Variants in SRGAP3 observed in about 807,000 individuals in gnomAD.
SRGAP3 encodes SLIT-ROBO Rho GTPase-activating protein 3.
A neutral mutation model predicts 121.1 loss-of-function variants in SRGAP3; 39 were observed. The observed-to-expected ratio is 0.32, with a 90% confidence interval of 0.25 to 0.42. The LOEUF is 0.42. Among genes scored for constraint, SRGAP3 ranks in the 10% least tolerant of loss-of-function variants. SRGAP3 has a pLI of 1.00. For missense variants in SRGAP3, 1,213 were observed against 1,470.6 expected (o/e 0.82, Z 2.86); for synonymous variants, 601 against 570.0 (o/e 1.05, Z -0.77).
At chr3:9,135,927 G>A (rs1949629312) in intron 1 of SRGAP3, among the ~76,000 whole-genome samples, 2 of 152,234 alleles carry the variant, frequency 1.3e-5, no homozygotes, top group Admixed American at 6.5e-5. Context: ...TGTTAAAAGG[G>A]TGAGGGGTGG....
intron 3 of SRGAP3, among the ~76,000 whole-genome samples, chr3:9,085,892 G>C (rs1042819649): frequency 3.3e-5 from 5 of 152,126 alleles, no homozygotes; most frequent in Admixed American, 3.3e-4. Flanking sequence ...TAAAATAATT[G>C]GTATAACAAA....
chr3:9,315,541 G>A (rs116473118), intron 3 of SRGAP3, among the ~76,000 whole-genome samples: 3,560 of 152,244 alleles, frequency 0.023, 113 homozygotes, highest in African/African-American at 0.076. Flanking sequence ...AATGGCTGCT[G>A]GGGATGGGAG....
chr3:9,226,705 C>G (rs996243870), intron 1 of SRGAP3, among the ~76,000 whole-genome samples: 1 of 152,176 alleles, frequency 6.6e-6, no homozygotes, highest in African/African-American at 2.4e-5. Context: ...AGACTTTACA[C>G]TTTTTCCTCA....
At chr3:9,135,237 A>T (rs1334288923) in intron 1 of SRGAP3, among the ~76,000 whole-genome samples, 1 of 152,194 alleles carries the variant, frequency 6.6e-6, no homozygotes. Flanking sequence ...TTAAGCTATG[A>T]TTATCATTTA....
chr3:9,039,378 T>C (rs1944915886), intron 10 of SRGAP3, among the ~76,000 whole-genome samples: 1 of 152,186 alleles, frequency 6.6e-6, no homozygotes, highest in African/African-American at 2.4e-5. Context: ...CCTCTCTAAG[T>C]GACCGCAAGT....
chr3:9,024,597 CAT>C (rs1175295999), intron 14 of SRGAP3, among the ~76,000 whole-genome samples: 3 of 152,184 alleles, frequency 2.0e-5, no homozygotes, highest in Admixed American at 2.0e-4. Flanking sequence ...CCAAATGTAT[CAT>C]ATGTGTCCTG....
At chr3:9,128,814 T>C (rs568094281) in intron 1 of SRGAP3, among the ~76,000 whole-genome samples, 2 of 152,346 alleles carry the variant, frequency 1.3e-5, no homozygotes, top group South Asian at 2.1e-4. Context: ...TCCACAGATC[T>C]TGTGTTTATT....
chr3:8,996,565 A>G (rs1450872703), intron 18 of SRGAP3, among the ~76,000 whole-genome samples: 1 of 152,202 alleles, frequency 6.6e-6, no homozygotes, highest in African/African-American at 2.4e-5. Flanking sequence ...AGAAGGAAGG[A>G]GGGAAGGAGG....
chr3:9,136,799 C>G (rs773972297), intron 1 of SRGAP3, among the ~76,000 whole-genome samples: 15 of 152,212 alleles, frequency 9.9e-5, no homozygotes, highest in Non-Finnish European at 1.6e-4. Flanking sequence ...GGGTCTATCC[C>G]TGATCCCCAC....
intron 20 of SRGAP3, among the ~76,000 whole-genome samples, chr3:8,992,461 T>G (rs413789): frequency 0.59 from 90,245 of 151,842 alleles, 27,491 homozygotes; most frequent in African/African-American, 0.72. Context: ...TGGAGTCGAG[T>G]GTCAATTTCC....
At chr3:9,286,677 A>G (rs1400736141) in intron 3 of SRGAP3, among the ~76,000 whole-genome samples, 1 of 151,292 alleles carries the variant, frequency 6.6e-6, no homozygotes, top group Non-Finnish European at 1.5e-5. Context: ...ATCTCGGCTC[A>G]CTACAAGCTT....
intron 3 of SRGAP3, among the ~76,000 whole-genome samples, chr3:9,299,128 C>T (rs188841466): frequency 8.0e-5 from 12 of 149,798 alleles, no homozygotes; most frequent in South Asian, 2.1e-4. Context: ...TTTGGGAGGC[C>T]GAGCCGGATG....
chr3:9,143,907 T>C (rs959062521), intron 1 of SRGAP3, among the ~76,000 whole-genome samples: 3 of 152,128 alleles, frequency 2.0e-5, no homozygotes, highest in African/African-American at 7.2e-5. Context: ...CTGTGTCCTA[T>C]CCGTTCTACC....
chr3:9,317,240 G>T (rs1023631456), intron 3 of SRGAP3, among the ~76,000 whole-genome samples: 4 of 152,192 alleles, frequency 2.6e-5, no homozygotes, highest in Non-Finnish European at 5.9e-5. Flanking sequence ...CGCTCCCATT[G>T]TAAATTCCAT....
intron 1 of SRGAP3, among the ~76,000 whole-genome samples, chr3:9,195,151 G>A (rs1440742471): frequency 6.6e-6 from 1 of 152,218 alleles, no homozygotes; most frequent in Non-Finnish European, 1.5e-5. Flanking sequence ...ATCACATAGT[G>A]TTTCCACCAT....
rs556866003 is a variant in SRGAP3, at chr3:9,169,290, C to T, written c.68-44373G>A. On this transcript the variant is annotated intron_variant, in intron 1 of 21. Transcript: ENST00000383836. The stretch of plus-strand genomic sequence containing the variant: ...ATAATCATTATATATGAGACATAGC[C>T]CCTGCCCTTGTGGAGTTGACAGTCT... Among the ~76,000 whole-genome samples, 10 of 152,232 alleles carry T rather than the reference C, an allele frequency of 6.6e-5. 1 individual carries two copies. The South Asian group carries it at 2.1e-3, about 32-fold the overall frequency.
intron 6 of SRGAP3, chr3:9,058,739 A>C: frequency 2.9e-6 from 1 of 346,130 alleles, no homozygotes; most frequent in South Asian, 2.5e-5. Flanking sequence ...TTTTTTTTTG[A>C]GACGGAGTCT....
In SRGAP3 at chr3:9,239,263, C is replaced by T. The variant is rs1953538170; in HGVS notation, c.67+9622G>A. On this transcript the variant is annotated intron_variant, in intron 1 of 21. Coordinates refer to ENST00000383836, the MANE Select transcript of SRGAP3 (RefSeq NM_014850.4). This position sits in a 1 kb window ranked among gnomAD's most constrained non-coding sequence, Gnocchi z 4.0. ...GACGTAGTGGCTGGCACCTGTAATC[C>T]CAGCTACTTGGGAGGCTGAGGCAGA... Among the ~76,000 whole-genome samples, 2 of 152,020 alleles carry T rather than the reference C, an allele frequency of 1.3e-5. No individual in the cohort carries two copies. Among genetic ancestry groups the T allele is most frequent in the South Asian group, 4.2e-4 (2 of 4,812 alleles).
At chr3:9,026,450 G>A (rs560949730) in intron 13 of SRGAP3, among the ~76,000 whole-genome samples, 97 of 152,294 alleles carry the variant, frequency 6.4e-4, no homozygotes, top group South Asian at 4.1e-4. Context: ...AGGAATGAAC[G>A]AGTGGATAAG....
Sources: gnomAD v4.1 joint callset for allele counts (sites outside exome capture counted in the v4.1 genomes callset) on GRCh38, gnomAD v4.1.1 for gene constraint, Gnocchi (gnomAD v3.1) non-coding constraint, MANE v1.5 for transcripts, NCBI Gene and HGNC (gene_info 2026-07-23, HGNC 2026-07-21) for gene names.